The following GNAO1 variants were observed in gnomAD, a reference collection of about 807,000 sequenced individuals.
GNAO1 encodes G protein subunit alpha o1, also known as guanine nucleotide-binding protein G(o) subunit alpha.
For synonymous variants in GNAO1, 164 were observed against 180.7 expected (o/e 0.91, Z 0.74); for missense variants, 166 against 478.7 (o/e 0.35, Z 6.10).
chr16:56,343,076 C>T (rs544868219), intron 6 of GNAO1, among the ~76,000 whole-genome samples: 13 of 149,310 alleles, frequency 8.7e-5, no homozygotes, highest in Middle Eastern at 3.5e-3. Flanking sequence ...CCAGCCTGGG[C>T]GACAGAACAA....
intron 2 of GNAO1, among the ~76,000 whole-genome samples, chr16:56,197,582 C>G (rs560640572): frequency 2.6e-5 from 4 of 152,280 alleles, no homozygotes; most frequent in African/African-American, 7.2e-5. Context: ...AACCTATATG[C>G]TTGTTGAAAA....
At chr16:56,277,911 C>T (rs181288867) in intron 3 of GNAO1, among the ~76,000 whole-genome samples, 1 of 152,018 alleles carries the variant, frequency 6.6e-6, no homozygotes. Context: ...ATCTCCTATA[C>T]TGATTATAAC....
At chr16:56,300,834 A>G (rs950124092) in intron 3 of GNAO1, 4 of 152,238 alleles carry the variant, frequency 2.6e-5, no homozygotes, top group Non-Finnish European at 4.4e-5. Flanking sequence ...GAGTTTTCTC[A>G]GATTCCTTCA....
intron 2 of GNAO1, among the ~76,000 whole-genome samples, chr16:56,248,767 G>T (rs1251195180): frequency 1.3e-5 from 2 of 152,168 alleles, no homozygotes; most frequent in Non-Finnish European, 2.9e-5. Context: ...AGAAACAGAA[G>T]CCTCTATGGC....
rs1336342536 is a variant in GNAO1, at chr16:56,351,614, G to A, written c.877+77G>A. 6.0e-6 allele frequency: 7 copies of A among 1,174,952 alleles called. No individual in the cohort carries two copies. Among genetic ancestry groups the A allele is most frequent in the South Asian group, 1.3e-5 (1 of 76,480 alleles). 72.8% of individuals were successfully genotyped at this position (1,174,952 alleles called of 1,614,324 possible). A position where few individuals can be genotyped will look rare whatever the true frequency, so the allele number is the denominator to read the frequency against. Reference sequence around the variant, plus strand: ...CATGGCTCAGAGAACAGGCTGCTCGGCCAGCACTGCTGGGGCTAGCTGGCG... The same window carrying A: ...CATGGCTCAGAGAACAGGCTGCTCGACCAGCACTGCTGGGGCTAGCTGGCG... On this transcript the variant is annotated intron_variant, in intron 7 of 8. Transcript: ENST00000262493. This position sits in a 1 kb window ranked among gnomAD's most constrained non-coding sequence, Gnocchi z 6.1.
intron 3 of GNAO1, among the ~76,000 whole-genome samples, chr16:56,312,682 G>A (rs1268605054): frequency 3.3e-5 from 5 of 152,252 alleles, no homozygotes; most frequent in Non-Finnish European, 7.3e-5. Context: ...CCATGAGAAG[G>A]TCTCCTGAGA....
chr16:56,310,339 ATTAAG>A (rs1339147047), intron 3 of GNAO1, among the ~76,000 whole-genome samples: 2 of 152,192 alleles, frequency 1.3e-5, no homozygotes, highest in African/African-American at 4.8e-5. Flanking sequence ...TAAGAAAAAT[ATTAAG>A]TAAATTAAAG....
At position 56,340,958 on chromosome 16, in the gene GNAO1, C is replaced by A; in HGVS notation, c.723+4098C>A. 2.5e-6 allele frequency: 4 copies of A among 1,613,988 alleles called. No individual in the cohort carries two copies. Among genetic ancestry groups the A allele is most frequent in the Non-Finnish European group, 3.4e-6 (4 of 1,179,870 alleles). ...TTTGAAGAGAAGATCAAGAAGTCCC[C>A]GCTCACCATCTGCTTTCCTGAATAT... On this transcript the variant is annotated intron_variant, in intron 6 of 8. Transcript: ENST00000262493.
intron 3 of GNAO1, among the ~76,000 whole-genome samples, chr16:56,292,611 C>T (rs1178861227): frequency 1.3e-5 from 2 of 152,178 alleles, no homozygotes; most frequent in African/African-American, 4.8e-5. Context: ...ATCCACCCAC[C>T]TCAGCCTCCC....
Position 56,192,300 on chromosome 16 carries a change from A to G in GNAO1, c.65A>G (p.Asn22Ser). 6.2e-7 allele frequency: 1 copy of G among 1,611,788 alleles called. No homozygotes were observed. Among genetic ancestry groups the G allele is most frequent in the Non-Finnish European group, 8.5e-7 (1 of 1,178,952 alleles). ...GAGCGGAGCAAGGCGATTGAGAAAA[A>G]CCTCAAAGAGGATGGCATCAGCGCC... ...ALERSKAIEK[N>S]LKEDGISAAK... is the part of the protein sequence containing the mutation. The change falls in exon 1 of 9, where the codon AAC becomes AGC. Residue 22 changes from asparagine (N) to serine (S), a missense_variant. By Grantham distance (46) the Asn-to-Ser change is conservative. Coordinates refer to ENST00000262493, the MANE Select transcript of GNAO1 (RefSeq NM_020988.3).
At chr16:56,264,195 G>A (rs544341549) in intron 2 of GNAO1, among the ~76,000 whole-genome samples, 1 of 152,338 alleles carries the variant, frequency 6.6e-6, no homozygotes, top group Non-Finnish European at 1.5e-5. Flanking sequence ...TGGCCAATCT[G>A]CATAAGAATC....
intron 2 of GNAO1, among the ~76,000 whole-genome samples, chr16:56,220,938 G>A (rs1033287566): frequency 7.2e-5 from 11 of 152,102 alleles, no homozygotes; most frequent in African/African-American, 2.7e-4. Flanking sequence ...AGTAGAGACA[G>A]GGTTTCACCA....
chr16:56,265,383 A>G (rs1209262242), intron 2 of GNAO1, among the ~76,000 whole-genome samples: 4 of 152,254 alleles, frequency 2.6e-5, no homozygotes, highest in African/African-American at 9.6e-5. Context: ...AGGCCTGGCC[A>G]TGCAGGTCGG....
chr16:56,285,735 A>G (rs1422849682), intron 3 of GNAO1, among the ~76,000 whole-genome samples: 1 of 152,228 alleles, frequency 6.6e-6, no homozygotes, highest in Admixed American at 6.5e-5. Context: ...TGTGCTCCCT[A>G]AAAAGACAAT....
intron 5 of GNAO1, 66 bp downstream of exon 5, chr16:56,334,923 G>A (rs1354621039): frequency 1.3e-5 from 21 of 1,559,746 alleles, no homozygotes; most frequent in Admixed American, 5.1e-5. Flanking sequence ...GCCTCTCAGC[G>A]CATTGCGTTT....
At chr16:56,314,580 G>C (rs1264806999) in intron 3 of GNAO1, among the ~76,000 whole-genome samples, 1 of 152,190 alleles carries the variant, frequency 6.6e-6, no homozygotes, top group Non-Finnish European at 1.5e-5. Flanking sequence ...CTTCAGTCCA[G>C]CCAGCATTTG....
intron 3 of GNAO1, among the ~76,000 whole-genome samples, chr16:56,306,546 A>G (rs1407715379): frequency 1.3e-5 from 2 of 152,178 alleles, no homozygotes; most frequent in East Asian, 3.9e-4. Flanking sequence ...TCCAGGGCTA[A>G]CCTGCTGAGG....
At chr16:56,260,702 C>T (rs1345466887) in intron 2 of GNAO1, among the ~76,000 whole-genome samples, 1 of 33,860 alleles carries the variant, frequency 3.0e-5, no homozygotes, top group East Asian at 8.5e-4. Flanking sequence ...TTTGTGGACT[C>T]TTTTTTTGGG....
chr16:56,255,003 T>C (rs2036833772), intron 2 of GNAO1, among the ~76,000 whole-genome samples: 1 of 152,210 alleles, frequency 6.6e-6, no homozygotes, highest in Admixed American at 6.5e-5. Context: ...GACGTTAAAA[T>C]TGTTTCCCTG....
Sources: gnomAD v4.1 joint callset for allele counts (sites outside exome capture counted in the v4.1 genomes callset) on GRCh38, gnomAD v4.1.1 for gene constraint, Gnocchi (gnomAD v3.1) non-coding constraint, MANE v1.5 for transcripts, NCBI Gene and HGNC (gene_info 2026-07-23, HGNC 2026-07-21) for gene names.